The following SAMD5 variants were observed in gnomAD, a reference collection of about 807,000 sequenced individuals.
SAMD5 encodes the protein sterile alpha motif domain-containing protein 5.
Under a neutral mutation model 11.3 loss-of-function variants are expected in SAMD5, and 13 were observed. That is an observed-to-expected ratio of 1.15 (90% CI 0.75 to 1.83). The LOEUF (loss-of-function observed/expected upper bound fraction) is 1.83, where lower values mean the gene tolerates loss of function less well. Among genes scored for constraint, SAMD5 ranks in the 40% most tolerant of loss-of-function variants. The pLI, the probability that SAMD5 is intolerant of heterozygous loss-of-function variation, is 0.00. For synonymous variants in SAMD5, 129 were observed against 111.3 expected, an observed-to-expected ratio of 1.16 and a Z score of -1.00; for missense variants, 255 against 239.1, an observed-to-expected ratio of 1.07 and a Z score of -0.44.
the SAMD5 span, among the ~76,000 whole-genome samples, chr6:147,893,010 C>G: frequency 1.3e-5 from 2 of 152,008 alleles, no homozygotes; most frequent in Non-Finnish European, 2.9e-5. Flanking sequence ...GTCCGGAGTT[C>G]AAGACCAGCC....
At chr6:147,895,484 T>G in the SAMD5 span, among the ~76,000 whole-genome samples, 335 of 152,296 alleles carry the variant, frequency 2.2e-3, 7 homozygotes, top group South Asian at 0.012. Flanking sequence ...ATGACACATT[T>G]GCCAGGGGAA....
chr6:147,894,699 G>A, the SAMD5 span, among the ~76,000 whole-genome samples: 2 of 152,108 alleles, frequency 1.3e-5, no homozygotes, highest in African/African-American at 4.8e-5. Flanking sequence ...CATGAAGACA[G>A]TTTTTCTATT....
At chr6:147,529,400 T>G (rs975030152) in intron 1 of SAMD5, among the ~76,000 whole-genome samples, 1 of 152,214 alleles carries the variant, frequency 6.6e-6, no homozygotes, top group African/African-American at 2.4e-5. Flanking sequence ...AAGAGTTCGA[T>G]GAATACCAAT....
the SAMD5 span, among the ~76,000 whole-genome samples, chr6:147,803,200 G>C: frequency 6.8e-6 from 1 of 146,436 alleles, no homozygotes; most frequent in Non-Finnish European, 1.5e-5. Flanking sequence ...AGATCATGTT[G>C]AGTAAGCTAC....
At chr6:147,838,536 C>CCT in the SAMD5 span, among the ~76,000 whole-genome samples, 6 of 143,822 alleles carry the variant, frequency 4.2e-5, no homozygotes, top group African/African-American at 1.6e-4. Flanking sequence ...ATCCTGCCCC[C>CCT]CCCCCGTAGT....
chr6:147,520,155 T>A (rs1788230413), intron 1 of SAMD5, among the ~76,000 whole-genome samples: 1 of 151,422 alleles, frequency 6.6e-6, no homozygotes, highest in Non-Finnish European at 1.5e-5. Context: ...TCTCGCTCTG[T>A]TGCCCAGGCT....
At chr6:147,563,049 T>G (rs1226671739) in intron 1 of SAMD5, among the ~76,000 whole-genome samples, 1 of 152,190 alleles carries the variant, frequency 6.6e-6, no homozygotes, top group African/African-American at 2.4e-5. Flanking sequence ...ACTATTTGAA[T>G]ATATTAAATA....
At chr6:147,746,810 G>A in the SAMD5 span, among the ~76,000 whole-genome samples, 4 of 152,266 alleles carry the variant, frequency 2.6e-5, no homozygotes, top group African/African-American at 4.8e-5. Flanking sequence ...TAAACATCTC[G>A]AACGTAAAGC....
chr6:147,540,763 C>T (rs943238053), intron 1 of SAMD5, among the ~76,000 whole-genome samples: 8 of 106,300 alleles, frequency 7.5e-5, no homozygotes, highest in Non-Finnish European at 1.1e-4. Context: ...ACTGTTTACC[C>T]AGACAGAGAG....
chr6:147,549,185 G>A (rs951557893), intron 1 of SAMD5, among the ~76,000 whole-genome samples: 12 of 152,216 alleles, frequency 7.9e-5, no homozygotes, highest in African/African-American at 2.7e-4. Flanking sequence ...CATCCTGACT[G>A]ATAAACGCCT....
chr6:147,626,901 G>A (rs1464248261), intron 1 of SAMD5, among the ~76,000 whole-genome samples: 3 of 150,108 alleles, frequency 2.0e-5, no homozygotes, highest in Non-Finnish European at 4.4e-5. Context: ...ATTTGCTGTT[G>A]TTGCTGTGTT....
chr6:147,849,655 A>T, the SAMD5 span, among the ~76,000 whole-genome samples: 1 of 152,190 alleles, frequency 6.6e-6, no homozygotes, highest in Non-Finnish European at 1.5e-5. Flanking sequence ...AATTAGTTCA[A>T]GGCAAGCCTG....
the SAMD5 span, among the ~76,000 whole-genome samples, chr6:147,847,808 G>T: frequency 1.3e-5 from 2 of 152,088 alleles, no homozygotes; most frequent in Admixed American, 6.5e-5. Context: ...AGCTGAGATT[G>T]CACCACTGCA....
chr6:147,829,688 C>T, the SAMD5 span, among the ~76,000 whole-genome samples: 1 of 152,114 alleles, frequency 6.6e-6, no homozygotes, highest in Admixed American at 6.6e-5. Context: ...CCACCAAGAG[C>T]TCTTTCCAGG....
At chr6:147,707,853 A>T (rs879446413) in intron 1 of SAMD5, among the ~76,000 whole-genome samples, 4 of 152,086 alleles carry the variant, frequency 2.6e-5, no homozygotes, top group Non-Finnish European at 5.9e-5. Flanking sequence ...AATACCACTG[A>T]TGAGGCTGGG....
the SAMD5 span, among the ~76,000 whole-genome samples, chr6:147,792,963 C>T: frequency 2.0e-5 from 3 of 152,112 alleles, no homozygotes; most frequent in African/African-American, 7.2e-5. Flanking sequence ...ATACATCTCC[C>T]ATGCAAAAAA....
chr6:147,725,164 A>G (rs750529939), intron 1 of SAMD5, among the ~76,000 whole-genome samples: 2 of 152,218 alleles, frequency 1.3e-5, no homozygotes, highest in Non-Finnish European at 2.9e-5. Flanking sequence ...AATATATAAT[A>G]TCCGTATCAT....
chr6:147,696,087 C>T (rs906124092), intron 1 of SAMD5, among the ~76,000 whole-genome samples: 1 of 152,032 alleles, frequency 6.6e-6, no homozygotes, highest in Non-Finnish European at 1.5e-5. Context: ...TAGTGGCAGA[C>T]CAGGCTGTGC....
intron 1 of SAMD5, among the ~76,000 whole-genome samples, chr6:147,723,022 T>G (rs1791577447): frequency 6.6e-6 from 1 of 152,204 alleles, no homozygotes; most frequent in Admixed American, 6.5e-5. Flanking sequence ...ATCCTTATAT[T>G]TCAGCAGCCC....
Sources: gnomAD v4.1 joint callset for allele counts (sites outside exome capture counted in the v4.1 genomes callset) on GRCh38, gnomAD v4.1.1 for gene constraint, MANE v1.5 for transcripts, NCBI Gene and HGNC (gene_info 2026-07-23, HGNC 2026-07-21) for gene names.